The following DLGAP2 variants were observed in gnomAD, a reference collection of about 807,000 sequenced individuals.
DLGAP2 encodes disks large-associated protein 2.
DLGAP2 carries 26 observed loss-of-function variants against 100.3 expected under a neutral mutation model. The ratio of observed to expected loss-of-function variants is 0.26; its 90% CI spans 0.19 to 0.36. The LOEUF is 0.36. Ranked by LOEUF, DLGAP2 falls within the 10% of genes least tolerant of loss-of-function variation. The pLI is 1.00. For missense variants in DLGAP2, 1,858 were observed against 1,453.2 expected (o/e 1.28, Z -4.53); for synonymous variants, 886 against 630.1 (o/e 1.41, Z -6.08).
At chr8:1,295,507 C>T (rs1401116589) in intron 3 of DLGAP2, among the ~76,000 whole-genome samples, 1 of 152,212 alleles carries the variant, frequency 6.6e-6, no homozygotes, top group Non-Finnish European at 1.5e-5. Flanking sequence ...CCACCGTGAT[C>T]TGCTGGAGCA....
At chr8:1,098,210 T>C (rs1181764496) in intron 2 of DLGAP2, among the ~76,000 whole-genome samples, 1 of 152,228 alleles carries the variant, frequency 6.6e-6, no homozygotes, top group Non-Finnish European at 1.5e-5. Flanking sequence ...TGCGTATGCG[T>C]CACAGAAACT....
chr8:1,266,455 CA>C (rs1331766127), intron 3 of DLGAP2, among the ~76,000 whole-genome samples: 1 of 152,148 alleles, frequency 6.6e-6, no homozygotes, highest in Admixed American at 6.5e-5. Flanking sequence ...CTCTCCCCAT[CA>C]ACCTGCTCTT....
chr8:789,684 C>A (rs1207549451), intron 1 of DLGAP2, among the ~76,000 whole-genome samples: 1 of 152,240 alleles, frequency 6.6e-6, no homozygotes, highest in South Asian at 2.1e-4. Context: ...TGTCAGCAGA[C>A]ACTTACTGTA....
chr8:1,246,942 GGTGGCCAGGAACACC>G (rs1563036553), intron 2 of DLGAP2: 1 of 144,518 alleles, frequency 6.9e-6, no homozygotes, highest in African/African-American at 2.9e-5. Flanking sequence ...GGTCCATGTC[GGTGGCCAGGAACACC>G]TTTGAGATTA....
At chr8:1,553,602 C>T (rs1187150554) in intron 5 of DLGAP2, among the ~76,000 whole-genome samples, 10 of 152,262 alleles carry the variant, frequency 6.6e-5, no homozygotes, top group Admixed American at 6.5e-4. Context: ...GCGATGAAAA[C>T]GGGGAGCCCT....
chr8:973,869 G>GT (rs1278960169), intron 2 of DLGAP2, among the ~76,000 whole-genome samples: 1 of 149,876 alleles, frequency 6.7e-6, no homozygotes, highest in African/African-American at 2.4e-5. Context: ...GCGACCACGG[G>GT]CCAGGCCTCT....
Position 1,457,330 on chromosome 8 carries a change from G to A in DLGAP2, c.107-44036G>A, listed in dbSNP as rs114578766. 7.3e-3 allele frequency among the ~76,000 whole-genome samples: 1,114 copies of A among 152,222 alleles called. 16 individuals are homozygous for A. The highest frequency in any genetic ancestry group is 0.026 in the African/African-American group (1,080 of 41,516). On this transcript the variant is annotated intron_variant, in intron 3 of 14. Transcript: ENST00000637795. The stretch of plus-strand genomic sequence containing the variant: ...AAATGGTTGCAGAGAGAAAACAAAC[G>A]TCTCCACTAGATTTCTTCATTGTTC...
intron 3 of DLGAP2, among the ~76,000 whole-genome samples, chr8:1,459,724 C>T (rs1385882632): frequency 9.2e-5 from 11 of 119,552 alleles, no homozygotes; most frequent in African/African-American, 3.0e-4. Context: ...CTTGTTCTGT[C>T]ACCCATGCTG....
At chr8:1,594,348 A>G (rs1029161244) in intron 6 of DLGAP2, among the ~76,000 whole-genome samples, 1 of 152,184 alleles carries the variant, frequency 6.6e-6, no homozygotes, top group East Asian at 1.9e-4. Flanking sequence ...GGTCAAGAGA[A>G]CAATGAAGGA....
intron 1 of DLGAP2, among the ~76,000 whole-genome samples, chr8:886,578 T>A (rs1034288058): frequency 6.6e-6 from 1 of 152,224 alleles, no homozygotes; most frequent in East Asian, 1.9e-4. Flanking sequence ...GTCTCTTTGT[T>A]CTCATTAGTT....
chr8:1,485,345 A>G (rs535837487), intron 3 of DLGAP2, among the ~76,000 whole-genome samples: 1 of 152,336 alleles, frequency 6.6e-6, no homozygotes, highest in South Asian at 2.1e-4. Context: ...GGCAGGACTT[A>G]TCTATGATTC....
chr8:1,660,855 A>C (rs1798393654), intron 8 of DLGAP2, among the ~76,000 whole-genome samples: 1 of 152,228 alleles, frequency 6.6e-6, no homozygotes, highest in African/African-American at 2.4e-5. Flanking sequence ...TGTTTTTGAG[A>C]GAACCTGAAG....
intron 4 of DLGAP2, among the ~76,000 whole-genome samples, chr8:1,525,191 CTTTTTT>C (rs56358216): frequency 2.9e-5 from 3 of 103,680 alleles, no homozygotes; most frequent in Non-Finnish European, 3.8e-5. Flanking sequence ...ACTCTGATGT[CTTTTTT>C]TTTTTTTTTT....
chr8:1,079,843 G>A (rs1287503814), intron 2 of DLGAP2, among the ~76,000 whole-genome samples: 2 of 152,236 alleles, frequency 1.3e-5, no homozygotes, highest in East Asian at 3.9e-4. Context: ...CGTCAGTGAG[G>A]ATTTCACAGG....
intron 4 of DLGAP2, among the ~76,000 whole-genome samples, chr8:1,538,096 G>T (rs1417124980): frequency 6.6e-6 from 1 of 152,162 alleles, no homozygotes; most frequent in African/African-American, 2.4e-5. Context: ...CGGGGCTGCT[G>T]ATGCTGCTGG....
chr8:799,161 G>C (rs1342604230), intron 1 of DLGAP2, among the ~76,000 whole-genome samples: 1 of 152,176 alleles, frequency 6.6e-6, no homozygotes, highest in Non-Finnish European at 1.5e-5. Flanking sequence ...GAGTGTCTTT[G>C]GGAGGCCGAC....
chr8:1,179,694 G>A (rs1158022736), intron 2 of DLGAP2, among the ~76,000 whole-genome samples: 3 of 152,130 alleles, frequency 2.0e-5, no homozygotes, highest in Admixed American at 6.6e-5. Context: ...AGCGACCCTG[G>A]AATATCAGGG....
At chr8:1,167,490 C>T (rs1713643714) in intron 2 of DLGAP2, among the ~76,000 whole-genome samples, 1 of 152,186 alleles carries the variant, frequency 6.6e-6, no homozygotes. Flanking sequence ...GGTGTTTCTA[C>T]ATGAATGACT....
intron 2 of DLGAP2, among the ~76,000 whole-genome samples, chr8:1,121,206 A>G (rs868582942): frequency 7.1e-6 from 1 of 140,644 alleles, no homozygotes; most frequent in Non-Finnish European, 1.5e-5. Flanking sequence ...TTTGGAACCC[A>G]TGACCTCCCA....
Sources: allele counts gnomAD v4.1 joint callset (sites outside exome capture counted in the v4.1 genomes callset), GRCh38; gene constraint gnomAD v4.1.1; transcripts MANE v1.5; gene names NCBI Gene and HGNC (gene_info 2026-07-23, HGNC 2026-07-21).